LDAH: variants seen among roughly 807,000 people sequenced by gnomAD.
The protein encoded by LDAH is lipid droplet associated hydrolase.
Under a neutral mutation model 29.6 loss-of-function variants are expected in LDAH, and 26 were observed. The observed-to-expected ratio is 0.88, with a 90% confidence interval of 0.64 to 1.22. LDAH has a LOEUF of 1.22. LDAH is among the 50% of genes most tolerant of loss of function. The probability of loss-of-function intolerance (pLI) is 0.00; values close to 1 mark genes in which losing one functional copy is unlikely to be tolerated. For missense variants in LDAH, 344 were observed against 387.3 expected, an observed-to-expected ratio of 0.89 and a Z score of 0.94; for synonymous variants, 117 against 133.0, an observed-to-expected ratio of 0.88 and a Z score of 0.83.
Position 20,701,604 on chromosome 2 carries a change from C to T in LDAH, c.752G>A (p.Arg251Lys), listed in dbSNP as rs199797133. 1.0e-4 allele frequency: 166 copies of T among 1,613,984 alleles called. No homozygotes were observed. Among genetic ancestry groups the T allele is most frequent in the Non-Finnish European group, 1.3e-4 (159 of 1,180,006 alleles). ...GGQEMMEVVK[R>K]DDETIKEHLC... ...ATGCTCCTTTATGGTTTCGTCATCT[C>T]TCTTCACCACCTCCATCATTTCTTG... is the stretch of plus-strand genomic sequence containing the variant. Residue 251 changes from arginine to lysine, a missense_variant, in exon 6 of 7, where the codon AGA becomes AAA. Arg to Lys is a conservative substitution (Grantham distance 26). Coordinates refer to ENST00000237822, the MANE Select transcript of LDAH (RefSeq NM_021925.4).
intron 1 of LDAH, among the ~76,000 whole-genome samples, 192 bp from the exon 2 acceptor site, chr2:20,801,657 G>T (rs548288475): frequency 6.6e-6 from 1 of 152,234 alleles, no homozygotes; most frequent in East Asian, 1.9e-4. Flanking sequence ...AACAAGCCAC[G>T]AAAGTACTTA....
chr2:20,772,518 G>A (rs1669502714), intron 4 of LDAH, among the ~76,000 whole-genome samples: 1 of 152,182 alleles, frequency 6.6e-6, no homozygotes, highest in African/African-American at 2.4e-5. Flanking sequence ...ATTTTAGAAT[G>A]ATGGGGTATG....
chr2:20,725,678 G>C (rs757194200), intron 5 of LDAH, among the ~76,000 whole-genome samples: 25 of 152,162 alleles, frequency 1.6e-4, no homozygotes, highest in Middle Eastern at 3.2e-3. Context: ...CAAAACATAT[G>C]GCTTTTCTCT....
chr2:20,750,020 A>G lies in LDAH; in HGVS notation c.469-9815T>C, dbSNP rs1035370689. The stretch of plus-strand genomic sequence containing the variant: ...TCCTGATTTTTACGTCTGCCTTACT[A>G]AACTTTTTTTTTTTTTTTTTTTTGA... On this transcript the variant is annotated intron_variant, in intron 4 of 6. Coordinates refer to ENST00000237822, the MANE Select transcript of LDAH (RefSeq NM_021925.4). 5.3e-5 allele frequency among the ~76,000 whole-genome samples: 7 copies of G among 132,048 alleles called. 1 individual carries two copies. The South Asian group carries it at 1.9e-3, about 36-fold the overall frequency. The allele number at this position is 132,048 out of a possible 152,430, so 86.6% of individuals were successfully genotyped here.
Position 20,684,715 on chromosome 2 carries a change from C to T in LDAH, c.*2188G>A, listed in dbSNP as rs1558369416. ...CTTATGGCTGGGAACAGACTAGGAACAAACACGGGTGTGGTCAAAGCTCAA... is the reference window on the plus strand; with the variant it reads ...CTTATGGCTGGGAACAGACTAGGAATAAACACGGGTGTGGTCAAAGCTCAA... On this transcript the variant is annotated 3_prime_UTR_variant, in exon 7 of 7. Coordinates refer to ENST00000237822, the MANE Select transcript of LDAH (RefSeq NM_021925.4). The T allele has an allele frequency of 3.0e-6, 2 of 676,588 alleles. No individual in the cohort carries two copies. The allele number at this position is 676,588 out of a possible 1,614,324, so 41.9% of individuals were successfully genotyped here. A position where few individuals can be genotyped will look rare whatever the true frequency, so the allele number is the denominator to read the frequency against.
At chr2:20,803,626 C>G (rs1245581987) in intron 1 of LDAH, among the ~76,000 whole-genome samples, 3 of 152,184 alleles carry the variant, frequency 2.0e-5, no homozygotes, top group Non-Finnish European at 4.4e-5. Flanking sequence ...ATTCCCTCTG[C>G]ATGCTCTCCT....
chr2:20,755,244 C>T (rs530585983), intron 4 of LDAH, among the ~76,000 whole-genome samples: 55 of 151,814 alleles, frequency 3.6e-4, no homozygotes, highest in African/African-American at 1.2e-3. Flanking sequence ...TGTTGTTGCA[C>T]TATTCTTAGT....
chr2:20,752,945 C>T (rs763642355), intron 4 of LDAH, among the ~76,000 whole-genome samples: 4 of 150,734 alleles, frequency 2.7e-5, no homozygotes, highest in Non-Finnish European at 5.9e-5. Flanking sequence ...CTCACTCATT[C>T]TAAGCTGTAT....
At chr2:20,689,191 G>A (rs1367721273) in intron 6 of LDAH, among the ~76,000 whole-genome samples, 2 of 151,984 alleles carry the variant, frequency 1.3e-5, no homozygotes, top group Admixed American at 6.6e-5. Context: ...TGACTGCATA[G>A]TATTCCAGCT....
chr2:20,750,468 T>C (rs1558441301), intron 4 of LDAH, among the ~76,000 whole-genome samples: 1 of 152,234 alleles, frequency 6.6e-6, no homozygotes, highest in African/African-American at 2.4e-5. Flanking sequence ...CCACGGTATC[T>C]GAATATGCTC....
intron 4 of LDAH, among the ~76,000 whole-genome samples, chr2:20,759,525 T>C (rs539596949): frequency 1.2e-4 from 19 of 152,166 alleles, no homozygotes; most frequent in Non-Finnish European, 2.5e-4. Context: ...AGATTTTCCA[T>C]ACAAGCTGGA....
intron 3 of LDAH, among the ~76,000 whole-genome samples, chr2:20,775,626 G>C (rs1357626200): frequency 6.6e-6 from 1 of 152,194 alleles, no homozygotes; most frequent in Non-Finnish European, 1.5e-5. Context: ...AACTTAGGTA[G>C]AAATGTTAAA....
chr2:20,745,658 A>AAT (rs1379024269), intron 4 of LDAH, among the ~76,000 whole-genome samples: 1 of 152,064 alleles, frequency 6.6e-6, no homozygotes, highest in Non-Finnish European at 1.5e-5. Flanking sequence ...GTCAAATAAA[A>AAT]ATATATATTA....
chr2:20,810,261 C>T (rs1672376354), intron 1 of LDAH, among the ~76,000 whole-genome samples: 1 of 152,182 alleles, frequency 6.6e-6, no homozygotes, highest in African/African-American at 2.4e-5. Context: ...GCCTGGAACA[C>T]CTGCATGTGC....
intron 6 of LDAH, among the ~76,000 whole-genome samples, chr2:20,687,685 C>A (rs1482453633): frequency 6.6e-6 from 1 of 152,150 alleles, no homozygotes; most frequent in Non-Finnish European, 1.5e-5. Context: ...CAATTGACAG[C>A]AAGCAGCTGA....
At chr2:20,777,219 C>T (rs1393879043) in intron 3 of LDAH, among the ~76,000 whole-genome samples, 1 of 152,026 alleles carries the variant, frequency 6.6e-6, no homozygotes, top group East Asian at 1.9e-4. Context: ...GGTCCTAAAA[C>T]ATTGTATTTC....
intron 5 of LDAH, among the ~76,000 whole-genome samples, chr2:20,728,942 AT>A: frequency 6.6e-6 from 1 of 152,320 alleles, no homozygotes; most frequent in East Asian, 1.9e-4. Flanking sequence ...TGCTCCAAAA[AT>A]TTGTTTGCTA....
At chr2:20,753,343 T>C (rs1169195779) in intron 4 of LDAH, among the ~76,000 whole-genome samples, 1 of 152,254 alleles carries the variant, frequency 6.6e-6, no homozygotes, top group Non-Finnish European at 1.5e-5. Context: ...CATCTCCTTT[T>C]TCTAATTACA....
intron 1 of LDAH, among the ~76,000 whole-genome samples, chr2:20,811,954 A>T (rs1022180176): frequency 4.6e-5 from 7 of 152,176 alleles, no homozygotes; most frequent in African/African-American, 1.7e-4. Flanking sequence ...AAAGGAGTGA[A>T]TGAGAGTCTT....
Sources: gnomAD v4.1 joint callset for allele counts (sites outside exome capture counted in the v4.1 genomes callset) on GRCh38, gnomAD v4.1.1 for gene constraint, MANE v1.5 for transcripts, NCBI Gene and HGNC (gene_info 2026-07-23, HGNC 2026-07-21) for gene names.